The following PLGRKT variants were observed in gnomAD, a reference collection of about 807,000 sequenced individuals.
PLGRKT encodes plasminogen receptor (KT).
In PLGRKT, 22 loss-of-function variants were observed where a neutral mutation model predicts 18.5. The ratio of observed to expected loss-of-function variants is 1.19; its 90% CI spans 0.85 to 1.70. The LOEUF (loss-of-function observed/expected upper bound fraction) is 1.70. Among genes scored for constraint, PLGRKT ranks in the 40% most tolerant of loss-of-function variants. The pLI is 0.00. For missense variants in PLGRKT, 235 were observed against 174.4 expected (o/e 1.35, Z -1.96); for synonymous variants, 72 against 52.8 (o/e 1.36, Z -1.58).
Position 5,358,128 on chromosome 9 carries a change from T to C in PLGRKT, c.*111A>G, listed in dbSNP as rs1414938841. 1.4e-6 allele frequency: 1 copy of C among 719,722 alleles called. No homozygotes were observed. Among genetic ancestry groups the C allele is most frequent in the Non-Finnish European group, 2.2e-6 (1 of 453,494 alleles). The allele number at this position is 719,722 out of a possible 1,614,324, so 44.6% of individuals were successfully genotyped here. A position where few individuals can be genotyped will look rare whatever the true frequency, so the allele number is the denominator to read the frequency against. ...AGCTCAAAACTATCTTGCATTTTAA[T>C]ATTTTAAAATAAAATCTATAATATC... On this transcript the variant is annotated 3_prime_UTR_variant, in exon 6 of 6. Coordinates refer to ENST00000223864, the MANE Select transcript of PLGRKT (RefSeq NM_018465.4).
chr9:5,361,468 A>G (rs974414797), intron 4 of PLGRKT, among the ~76,000 whole-genome samples: 1 of 152,158 alleles, frequency 6.6e-6, no homozygotes, highest in Non-Finnish European at 1.5e-5. Flanking sequence ...GGTATCTACC[A>G]CTAAGGGATT....
intron 3 of PLGRKT, among the ~76,000 whole-genome samples, chr9:5,369,318 A>G (rs1817465484): frequency 1.3e-5 from 2 of 152,248 alleles, no homozygotes; most frequent in Non-Finnish European, 2.9e-5. Flanking sequence ...ACATTTATGC[A>G]GCCAACAAAC....
chr9:5,429,155 C>A (rs1818764405), intron 3 of PLGRKT, among the ~76,000 whole-genome samples: 1 of 152,202 alleles, frequency 6.6e-6, no homozygotes, highest in Non-Finnish European at 1.5e-5. Context: ...CCACTACATA[C>A]AAATGTACAA....
chr9:5,420,804 T>C (rs966128712), intron 3 of PLGRKT, among the ~76,000 whole-genome samples: 1 of 152,118 alleles, frequency 6.6e-6, no homozygotes, highest in Non-Finnish European at 1.5e-5. Flanking sequence ...CCTCAGAACA[T>C]AGGACCCTTC....
intron 3 of PLGRKT, among the ~76,000 whole-genome samples, chr9:5,424,388 T>C (rs1442434513): frequency 7.6e-6 from 1 of 131,106 alleles, no homozygotes; most frequent in Non-Finnish European, 1.5e-5. Context: ...TATAACATAT[T>C]ATAAAACATA....
At chr9:5,395,642 A>G (rs919487521) in intron 3 of PLGRKT, among the ~76,000 whole-genome samples, 15 of 151,954 alleles carry the variant, frequency 9.9e-5, no homozygotes, top group Admixed American at 1.3e-4. Flanking sequence ...AATGATCTCT[A>G]TTCACTACTT....
intron 3 of PLGRKT, among the ~76,000 whole-genome samples, chr9:5,395,876 T>G (rs1818034973): frequency 6.8e-6 from 1 of 146,040 alleles, no homozygotes; most frequent in Admixed American, 7.0e-5. Flanking sequence ...GGGTTCATCC[T>G]CTAACCTAAC....
intron 3 of PLGRKT, among the ~76,000 whole-genome samples, chr9:5,402,648 G>A (rs537518755): frequency 3.3e-5 from 5 of 152,016 alleles, no homozygotes; most frequent in African/African-American, 1.2e-4. Flanking sequence ...GGGTATGGAG[G>A]AGCCAGGTGG....
intron 3 of PLGRKT, among the ~76,000 whole-genome samples, chr9:5,425,433 C>G (rs1818678409): frequency 6.6e-6 from 1 of 152,072 alleles, no homozygotes; most frequent in South Asian, 2.1e-4. Context: ...GATTTGAGGC[C>G]TTTCATAAAT....
At chr9:5,376,424 T>C (rs575114009) in intron 3 of PLGRKT, among the ~76,000 whole-genome samples, 2 of 152,300 alleles carry the variant, frequency 1.3e-5, no homozygotes, top group Admixed American at 1.3e-4. Context: ...TGTTTCCTTA[T>C]CTGTAAAATA....
chr9:5,387,477 A>T (rs1586717687), intron 3 of PLGRKT, among the ~76,000 whole-genome samples: 1 of 152,084 alleles, frequency 6.6e-6, no homozygotes, highest in East Asian at 1.9e-4. Context: ...AAAATAATGT[A>T]TTACTTCTAC....
At chr9:5,434,042 G>C (rs1818900372) in intron 2 of PLGRKT, among the ~76,000 whole-genome samples, 1 of 149,424 alleles carries the variant, frequency 6.7e-6, no homozygotes, top group African/African-American at 2.5e-5. Flanking sequence ...CAAATGGGAA[G>C]TGAGGAGCGC....
chr9:5,431,081 T>A (rs1818812611), intron 3 of PLGRKT, among the ~76,000 whole-genome samples: 1 of 152,228 alleles, frequency 6.6e-6, no homozygotes, highest in Non-Finnish European at 1.5e-5. Context: ...CAGGACTGCA[T>A]CCCTGTAGAG....
intron 3 of PLGRKT, among the ~76,000 whole-genome samples, chr9:5,362,255 T>C (rs564668625): frequency 1.3e-5 from 2 of 152,360 alleles, no homozygotes; most frequent in South Asian, 4.1e-4. Context: ...CCTTTATTTC[T>C]ACTTGCATGG....
intron 3 of PLGRKT, among the ~76,000 whole-genome samples, chr9:5,423,492 C>T (rs193291660): frequency 4.8e-4 from 73 of 152,182 alleles, no homozygotes; most frequent in African/African-American, 1.7e-3. Flanking sequence ...TACACTCAGG[C>T]CTTTACAGAC....
intron 3 of PLGRKT, among the ~76,000 whole-genome samples, chr9:5,401,795 G>A: frequency 6.6e-6 from 1 of 151,982 alleles, no homozygotes; most frequent in Non-Finnish European, 1.5e-5. Flanking sequence ...TATCTGAAAG[G>A]TGACATCAAT....
intron 3 of PLGRKT, among the ~76,000 whole-genome samples, chr9:5,411,015 A>C (rs1586733813): frequency 6.6e-6 from 1 of 152,222 alleles, no homozygotes; most frequent in Non-Finnish European, 1.5e-5. Flanking sequence ...GGTTATGTAT[A>C]TAATGAAACT....
At chr9:5,361,233 T>A in intron 4 of PLGRKT, 46 bp from the exon 5 acceptor site, 1 of 1,075,068 alleles carries the variant, frequency 9.3e-7, no homozygotes, top group Non-Finnish European at 1.4e-6. Flanking sequence ...AAATAACCTG[T>A]AAATACATAT....
intron 3 of PLGRKT, among the ~76,000 whole-genome samples, chr9:5,378,991 T>C (rs1411165699): frequency 2.0e-5 from 3 of 152,104 alleles, no homozygotes; most frequent in African/African-American, 7.2e-5. Context: ...TGAAATCACA[T>C]AGGCCATATT....
Sources: gnomAD v4.1 joint callset for allele counts (sites outside exome capture counted in the v4.1 genomes callset) on GRCh38, gnomAD v4.1.1 for gene constraint, MANE v1.5 for transcripts, NCBI Gene and HGNC (gene_info 2026-07-23, HGNC 2026-07-21) for gene names.